The following GRHL1 variants were observed in gnomAD, a reference collection of about 807,000 sequenced individuals.
GRHL1 encodes the protein grainyhead like transcription factor 1.
In GRHL1, 38 loss-of-function variants were observed where a neutral mutation model predicts 75.7. That is an observed-to-expected ratio of 0.50 (90% CI 0.39 to 0.66). GRHL1 has a LOEUF of 0.66. Ranked by LOEUF, GRHL1 falls within the 30% of genes least tolerant of loss-of-function variation. The pLI, the probability that GRHL1 is intolerant of heterozygous loss-of-function variation, is 0.00. For missense variants in GRHL1, 589 were observed against 767.5 expected, an observed-to-expected ratio of 0.77 and a Z score of 2.75; for synonymous variants, 266 against 279.4, an observed-to-expected ratio of 0.95 and a Z score of 0.48.
At chr2:9,983,860 T>TA (rs547910074) in intron 8 of GRHL1, among the ~76,000 whole-genome samples, 16 of 147,534 alleles carry the variant, frequency 1.1e-4, no homozygotes, top group East Asian at 2.0e-4. Context: ...TTGAAGTGTT[T>TA]AAAAAAAAAA....
chr2:9,962,900 CTTT>C (rs548120688), intron 5 of GRHL1, among the ~76,000 whole-genome samples: 3 of 145,536 alleles, frequency 2.1e-5, no homozygotes, highest in Non-Finnish European at 4.6e-5. Context: ...GTGATAAAAG[CTTT>C]TTTTTTTTAA....
In GRHL1 at chr2:9,951,694, G is replaced by C; in HGVS notation, c.-140G>C. ...GCGCAGCCCGCGCGGAGCCGGCTCA[G>C]AGCGAGAAAAGCAAACCCAACCCGT... On this transcript the variant is annotated 5_prime_UTR_variant, in exon 1 of 16. Coordinates refer to ENST00000324907, the MANE Select transcript of GRHL1 (RefSeq NM_198182.3). The surrounding 1 kb of genome is among the most constrained non-coding windows in gnomAD (Gnocchi z 4.2). The C allele has an allele frequency of 1.3e-6, 1 of 750,318 alleles. No individual in the cohort carries two copies. Among genetic ancestry groups the C allele is most frequent in the South Asian group, 1.7e-5 (1 of 57,910 alleles). The allele number at this position is 750,318 out of a possible 1,614,324, so 46.5% of individuals were successfully genotyped here.
rs33959557 is a variant in GRHL1, at chr2:9,998,809, CGT to C, written c.1678-155_1678-154del. 2.8e-3 allele frequency among the ~76,000 whole-genome samples: 144 copies of C among 52,052 alleles called. 31 individuals are homozygous for C. The highest frequency in any genetic ancestry group is 3.8e-3 in the African/African-American group (24 of 6,394). 34.1% of individuals were successfully genotyped at this position (52,052 alleles called of 152,430 possible). ...ATATATATGTACACACATATATATA[CGT>C]ATATATATGTACACATATATATATA... On this transcript the variant is annotated intron_variant, in intron 14 of 15. Transcript: ENST00000324907.
Position 9,992,286 on chromosome 2 carries a change from G to C in GRHL1, c.1461+140G>C. ...AGTCAGCTCTTTGGAATATTCTGCT[G>C]GGGTGACATGATGCCCGTGCAATAA... is the stretch of plus-strand genomic sequence containing the variant. On this transcript the variant is annotated intron_variant, in intron 11 of 15. Transcript: ENST00000324907. The surrounding 1 kb of genome is among the most constrained non-coding windows in gnomAD (Gnocchi z 4.6). The C allele has an allele frequency of 1.4e-6, 1 of 699,166 alleles. No homozygotes were observed. 43.3% of individuals were successfully genotyped at this position (699,166 alleles called of 1,614,324 possible).
chr2:9,985,144 G>T (rs1213326089), intron 8 of GRHL1, among the ~76,000 whole-genome samples: 5 of 152,086 alleles, frequency 3.3e-5, no homozygotes, highest in Non-Finnish European at 7.4e-5. Flanking sequence ...GAAACTGTGG[G>T]TTGAGAAGCT....
rs1669256608 is a variant in GRHL1 at position 10,001,224 on chromosome 2, C to T, written c.*517C>T. The T allele has an allele frequency of 6.5e-6, 1 of 152,684 alleles. No individual in the cohort carries two copies. Among genetic ancestry groups the T allele is most frequent in the Non-Finnish European group, 1.5e-5 (1 of 68,080 alleles). The allele number at this position is 152,684 out of a possible 1,614,324, so 9.5% of individuals were successfully genotyped here. ...GCCCTCTCTCCCTTACCCTCTCACTCTCCACCAGATGTTTACTAAACAGGG... is the reference window on the plus strand; with the variant it reads ...GCCCTCTCTCCCTTACCCTCTCACTTTCCACCAGATGTTTACTAAACAGGG... On this transcript the variant is annotated 3_prime_UTR_variant, in exon 16 of 16. Coordinates refer to ENST00000324907, the MANE Select transcript of GRHL1 (RefSeq NM_198182.3).
rs1406268991 is a variant in GRHL1, at chr2:9,961,354, G to C, written c.587G>C (p.Ser196Thr). 20 of 1,614,058 alleles carry C rather than the reference G, an allele frequency of 1.2e-5. No individual in the cohort carries two copies. The Admixed American group carries it at 2.8e-4, about 23-fold the overall frequency. ...CGGAATCTCAATACTGACCAGTTCA[G>C]CTCTGGTGCTCAAGCCCCAAATGCT... ...FDRNLNTDQF[S>T]SGAQAPNAQR... The change falls in exon 4 of 16, where the codon AGC becomes ACC. Residue 196 changes from serine to threonine, a missense_variant. Physicochemically the swap from Ser to Thr is moderately conservative, Grantham distance 58. Transcript: ENST00000324907.
rs545745914 is a variant in GRHL1 at position 9,953,160 on chromosome 2, G to A, written c.20+1307G>A. ...GCTTTGGAAATATGAAACACCTTCA[G>A]GGTGATTCCAAACATAAAGCCATTT... On this transcript the variant is annotated intron_variant, in intron 1 of 15. Transcript: ENST00000324907. The A allele has an allele frequency of 5.3e-3, 2,321 of 440,522 alleles. 39 individuals are homozygous for A. The highest frequency in any genetic ancestry group is 0.03 in the South Asian group (1,861 of 62,504). The allele number at this position is 440,522 out of a possible 1,614,324, so 27.3% of individuals were successfully genotyped here. A position where few individuals can be genotyped will look rare whatever the true frequency, so the allele number is the denominator to read the frequency against.
chr2:9,972,448 G>A (rs1667766787), intron 8 of GRHL1, among the ~76,000 whole-genome samples: 1 of 151,262 alleles, frequency 6.6e-6, no homozygotes, highest in South Asian at 2.1e-4. Flanking sequence ...ACCCAGCATA[G>A]CAATTTCAAG....
chr2:9,979,114 C>T lies in GRHL1; in HGVS notation c.1111-7010C>T, dbSNP rs192024218. Among the ~76,000 whole-genome samples, 415 of 124,596 alleles carry T rather than the reference C, an allele frequency of 3.3e-3. 7 individuals are homozygous for T. Among genetic ancestry groups the T allele is most frequent in the Admixed American group, 0.033 (325 of 9,854 alleles). 81.7% of individuals were successfully genotyped at this position (124,596 alleles called of 152,430 possible). A position where few individuals can be genotyped will look rare whatever the true frequency, so the allele number is the denominator to read the frequency against. On this transcript the variant is annotated intron_variant, in intron 8 of 15. Transcript: ENST00000324907. ...GGTGGAGGTTGCAGTGAGCCGAGAT[C>T]GCGCCACTGCATTCCAGCCTGGGCA... is the stretch of plus-strand genomic sequence containing the variant.
chr2:9,957,016 T>TTA (rs35726259), intron 2 of GRHL1, among the ~76,000 whole-genome samples: 1 of 151,008 alleles, frequency 6.6e-6, no homozygotes, highest in Non-Finnish European at 1.5e-5. Context: ...TTTTTTTTTT[T>TTA]AATAGAAGCA....
chr2:9,969,692 A>C (rs1437064384), intron 8 of GRHL1, among the ~76,000 whole-genome samples: 1 of 152,174 alleles, frequency 6.6e-6, no homozygotes, highest in Non-Finnish European at 1.5e-5. Context: ...TAGGCACTAA[A>C]GGAGGGGATG....
chr2:9,971,062 A>C (rs987596427), intron 8 of GRHL1, among the ~76,000 whole-genome samples: 4 of 152,050 alleles, frequency 2.6e-5, no homozygotes, highest in Non-Finnish European at 5.9e-5. Flanking sequence ...TGGTAACCTG[A>C]ATGTAAGTCT....
At chr2:9,999,629 C>G (rs564958312) in intron 15 of GRHL1, among the ~76,000 whole-genome samples, 1 of 152,358 alleles carries the variant, frequency 6.6e-6, no homozygotes, top group East Asian at 1.9e-4. Context: ...CTGCTCTACC[C>G]TCCTGCTCAG....
At chr2:9,999,296 C>T (rs1455702936) in intron 15 of GRHL1, among the ~76,000 whole-genome samples, 2 of 152,240 alleles carry the variant, frequency 1.3e-5, no homozygotes, top group Non-Finnish European at 2.9e-5. Flanking sequence ...TAAAATTGAT[C>T]TGCCTTGAGG....
Position 9,994,334 on chromosome 2 carries a change from T to C in GRHL1, c.1499+1090T>C, listed in dbSNP as rs955384395. 1.3e-4 allele frequency among the ~76,000 whole-genome samples: 19 copies of C among 148,384 alleles called. No individual in the cohort carries two copies. The East Asian group carries it at 1.8e-3, about 14-fold the overall frequency. ...TAATTATTATTATTATTATTATTATTATTATTATTATTATTATTGTAGAGA... is the reference window on the plus strand; with the variant it reads ...TAATTATTATTATTATTATTATTATCATTATTATTATTATTATTGTAGAGA... On this transcript the variant is annotated intron_variant, in intron 12 of 15. Coordinates refer to ENST00000324907, the MANE Select transcript of GRHL1 (RefSeq NM_198182.3).
rs1478962752 is a variant in GRHL1 at position 9,998,494 on chromosome 2, A to ATG, written c.1678-470_1678-469insGT. Among the ~76,000 whole-genome samples the ATG allele has an allele frequency of 5.8e-4, 2 of 3,458 alleles. 1 individual carries two copies. Among genetic ancestry groups the ATG allele is most frequent in the Non-Finnish European group, 8.5e-4 (2 of 2,354 alleles). The allele number at this position is 3,458 out of a possible 152,430, so 2.3% of individuals were successfully genotyped here. A position where few individuals can be genotyped will look rare whatever the true frequency, so the allele number is the denominator to read the frequency against. On this transcript the variant is annotated intron_variant, in intron 14 of 15. Transcript: ENST00000324907. ...CGTATATATATACATATATATACGT[A>ATG]TATATACATATATATACGTATATAT...
intron 5 of GRHL1, 128 bp downstream of exon 5, chr2:9,962,659 C>T (rs780768668): frequency 1.5e-6 from 1 of 672,210 alleles, no homozygotes; most frequent in Non-Finnish European, 2.7e-6. Flanking sequence ...TACTGTGGTA[C>T]AGTCTTGGGT....
rs746919077 is a variant in GRHL1 at position 9,990,850 on chromosome 2, G to T, written c.1321+103G>T. 33 of 854,412 alleles carry T rather than the reference G, an allele frequency of 3.9e-5. No individual in the cohort carries two copies. Among genetic ancestry groups the T allele is most frequent in the Non-Finnish European group, 5.1e-5 (27 of 526,314 alleles). The allele number at this position is 854,412 out of a possible 1,614,324, so 52.9% of individuals were successfully genotyped here. On this transcript the variant is annotated intron_variant, in intron 10 of 15. Transcript: ENST00000324907. This position sits in a 1 kb window ranked among gnomAD's most constrained non-coding sequence, Gnocchi z 4.2. ...TGAGAATGGTGGCTGGAGTTTGCAC[G>T]CAGAAGACAGTGGGTGTTCTTCCTG...
Sources: allele counts gnomAD v4.1 joint callset (sites outside exome capture counted in the v4.1 genomes callset), GRCh38; gene constraint gnomAD v4.1.1; non-coding constraint Gnocchi (gnomAD v3.1); transcripts MANE v1.5; gene names NCBI Gene and HGNC (gene_info 2026-07-23, HGNC 2026-07-21).